Variants in LDLRAD3 observed in about 807,000 individuals in gnomAD.
The protein encoded by LDLRAD3 is low density lipoprotein receptor class A domain containing 3.
LDLRAD3 carries 20 observed loss-of-function variants against 29.4 expected under a neutral mutation model. That is an observed-to-expected ratio of 0.68 (90% CI 0.48 to 0.99). The LOEUF (loss-of-function observed/expected upper bound fraction) is 0.99, where lower values mean the gene tolerates loss of function less well. LDLRAD3 is among the 50% of genes least tolerant of loss of function. LDLRAD3 has a pLI of 0.00. For synonymous variants in LDLRAD3, 157 were observed against 192.7 expected, an observed-to-expected ratio of 0.81 and a Z score of 1.53; for missense variants, 420 against 454.3, an observed-to-expected ratio of 0.92 and a Z score of 0.69.
intron 3 of LDLRAD3, among the ~76,000 whole-genome samples, chr11:36,093,607 G>A (rs566199717): frequency 1.2e-4 from 19 of 152,178 alleles, no homozygotes; most frequent in Admixed American, 5.2e-4. Flanking sequence ...TCCCTGCCCC[G>A]CCCAGGCCTT....
At chr11:36,198,374 TACAC>T (rs34266688) in intron 4 of LDLRAD3, among the ~76,000 whole-genome samples, 7 of 151,386 alleles carry the variant, frequency 4.6e-5, no homozygotes, top group Admixed American at 2.6e-4. Flanking sequence ...TGGTTAGAAA[TACAC>T]ACACACACAC....
chr11:35,990,121 C>T (rs761729327), intron 1 of LDLRAD3, among the ~76,000 whole-genome samples: 1 of 152,100 alleles, frequency 6.6e-6, no homozygotes, highest in Non-Finnish European at 1.5e-5. Context: ...CCTATAAAGG[C>T]ATGGGGGGTG....
rs1314614911 is a variant in LDLRAD3, at chr11:36,227,212, G to C, written c.582G>C (p.Leu194Phe). Residue 194 changes from leucine to phenylalanine, a missense_variant, in exon 5 of 6, where the codon TTG becomes TTC. Leu to Phe is a conservative substitution (Grantham distance 22). Around this residue, in one of 3 missense-constraint regions of LDLRAD3, gnomAD observed 56 missense variants for 92.2 expected, o/e 0.61. Transcript: ENST00000315571. ...VLVVALLALV[L>F]HHQRKRNNLM... ...TGGTGGCCCTGCTGGCACTGGTCTT[G>C]CACCACCAGCGGAAGCGGAACAACC... The C allele has an allele frequency of 1.9e-6, 3 of 1,614,042 alleles. No individual in the cohort carries two copies. The highest frequency in any genetic ancestry group is 2.5e-6 in the Non-Finnish European group (3 of 1,180,032).
intron 4 of LDLRAD3, among the ~76,000 whole-genome samples, chr11:36,209,011 C>G (rs894683399): frequency 6.6e-6 from 1 of 152,164 alleles, no homozygotes; most frequent in Non-Finnish European, 1.5e-5. Flanking sequence ...TTCAGGTATC[C>G]CCTGATGGGA....
chr11:35,949,225 G>A (rs1421463881), intron 1 of LDLRAD3, among the ~76,000 whole-genome samples: 1 of 152,094 alleles, frequency 6.6e-6, no homozygotes, highest in African/African-American at 2.4e-5. Context: ...GTGTCAGAGT[G>A]AAAACTTCTG....
intron 2 of LDLRAD3, among the ~76,000 whole-genome samples, chr11:36,070,913 AG>A (rs1297703314): frequency 6.6e-6 from 1 of 152,164 alleles, no homozygotes; most frequent in Non-Finnish European, 1.5e-5. Context: ...CATGTAGCCC[AG>A]GAAAGTCAAC....
chr11:36,121,946 C>A (rs1853765621), intron 4 of LDLRAD3, among the ~76,000 whole-genome samples: 1 of 152,212 alleles, frequency 6.6e-6, no homozygotes, highest in Admixed American at 6.5e-5. Flanking sequence ...TCGTGTTTTA[C>A]ACCATTTCGG....
At chr11:36,084,420 G>A (rs543067805) in intron 3 of LDLRAD3, among the ~76,000 whole-genome samples, 1 of 152,038 alleles carries the variant, frequency 6.6e-6, no homozygotes, top group African/African-American at 2.4e-5. Flanking sequence ...GGAGTTCAAG[G>A]TCAGCCTGGG....
intron 4 of LDLRAD3, among the ~76,000 whole-genome samples, chr11:36,137,445 T>C (rs1381667351): frequency 6.6e-6 from 1 of 152,224 alleles, no homozygotes; most frequent in Non-Finnish European, 1.5e-5. Flanking sequence ...CTCTGCAATT[T>C]GGGAACTCTG....
chr11:36,132,714 C>G (rs1329937446), intron 4 of LDLRAD3, among the ~76,000 whole-genome samples: 2 of 152,190 alleles, frequency 1.3e-5, no homozygotes, highest in Admixed American at 6.5e-5. Context: ...CTTACAGTCC[C>G]GATAGGAGAG....
intron 1 of LDLRAD3, among the ~76,000 whole-genome samples, chr11:35,963,364 A>G (rs1851301071): frequency 6.6e-6 from 1 of 151,996 alleles, no homozygotes; most frequent in Non-Finnish European, 1.5e-5. Context: ...ACATTCTGAC[A>G]GTTAGATGTC....
At chr11:35,985,412 T>C (rs1207822114) in intron 1 of LDLRAD3, among the ~76,000 whole-genome samples, 3 of 152,216 alleles carry the variant, frequency 2.0e-5, no homozygotes, top group East Asian at 3.8e-4. Context: ...TAAGGTGGTC[T>C]TGCTGAGATG....
At chr11:36,149,312 C>A (rs1056611122) in intron 4 of LDLRAD3, among the ~76,000 whole-genome samples, 1 of 152,118 alleles carries the variant, frequency 6.6e-6, no homozygotes, top group Non-Finnish European at 1.5e-5. Context: ...CAGATAAAAT[C>A]TACAAAAGAA....
chr11:36,129,583 C>T (rs752766061), intron 4 of LDLRAD3, among the ~76,000 whole-genome samples: 6 of 152,132 alleles, frequency 3.9e-5, no homozygotes, highest in East Asian at 1.9e-4. Context: ...GGTCCCTTCC[C>T]GGGAGCCACA....
intron 4 of LDLRAD3, among the ~76,000 whole-genome samples, chr11:36,180,001 AT>A (rs1312777433): frequency 1.3e-5 from 2 of 152,192 alleles, no homozygotes; most frequent in Non-Finnish European, 2.9e-5. Flanking sequence ...TCTCAAAAAA[AT>A]AAATAATCAA....
intron 1 of LDLRAD3, among the ~76,000 whole-genome samples, chr11:35,949,131 T>G (rs1851099253): frequency 1.3e-5 from 2 of 152,172 alleles, no homozygotes; most frequent in African/African-American, 4.8e-5. Flanking sequence ...GCTTTATGTT[T>G]TGTAGCCACA....
At chr11:36,043,971 C>T (rs1852414989) in intron 2 of LDLRAD3, among the ~76,000 whole-genome samples, 1 of 152,228 alleles carries the variant, frequency 6.6e-6, no homozygotes, top group South Asian at 2.1e-4. Context: ...TGCTTCTTTT[C>T]TCATTGAGTC....
intron 4 of LDLRAD3, among the ~76,000 whole-genome samples, chr11:36,148,723 T>C (rs750397136): frequency 6.6e-6 from 1 of 152,142 alleles, no homozygotes. Flanking sequence ...AGGACCACTT[T>C]ACCCCAGCAA....
chr11:36,141,270 G>A (rs1854083020), intron 4 of LDLRAD3, among the ~76,000 whole-genome samples: 1 of 152,138 alleles, frequency 6.6e-6, no homozygotes, highest in Admixed American at 6.5e-5. Context: ...TAGCTTTGTA[G>A]CATTTGGAGG....
Sources: allele counts gnomAD v4.1 joint callset (sites outside exome capture counted in the v4.1 genomes callset), GRCh38; gene constraint gnomAD v4.1.1; regional missense constraint gnomAD v4.1.1; transcripts MANE v1.5; gene names NCBI Gene and HGNC (gene_info 2026-07-23, HGNC 2026-07-21).